The following NTN1 variants were observed in gnomAD, a reference collection of about 807,000 sequenced individuals.
NTN1 encodes the protein netrin 1.
Under a neutral mutation model 54.2 loss-of-function variants are expected in NTN1, and 11 were observed. The observed-to-expected ratio is 0.20, with a 90% CI of 0.13 to 0.34. NTN1 has a LOEUF of 0.34. NTN1 is among the 10% of genes least tolerant of loss of function. NTN1 has a pLI of 1.00. For missense variants in NTN1, 740 were observed against 893.1 expected (o/e 0.83, Z 2.18); for synonymous variants, 371 against 382.0 (o/e 0.97, Z 0.33).
At position 9,221,147 on chromosome 17, in the gene NTN1, T is replaced by TCGGC; in HGVS notation, c.1412-20_1412-19insGGCC. 1 of 1,303,812 alleles carries TCGGC rather than the reference T, an allele frequency of 7.7e-7. No individual in the cohort carries two copies. Among genetic ancestry groups the TCGGC allele is most frequent in the Non-Finnish European group, 1.0e-6 (1 of 952,882 alleles). 80.8% of individuals were successfully genotyped at this position (1,303,812 alleles called of 1,614,324 possible). ...CAGCCTAATTAGTTTTTGTCTGTGC[T>TCGGC]CCCCCCCCACCCCCCTGCAGACTGC... On this transcript the variant is annotated intron_variant, in intron 5 of 6. Coordinates refer to ENST00000173229, the MANE Select transcript of NTN1 (RefSeq NM_004822.3). The surrounding 1 kb of genome is among the most constrained non-coding windows in gnomAD (Gnocchi z 4.5).
Position 9,023,307 on chromosome 17 carries a change from G to C in NTN1, c.934G>C (p.Gly312Arg). The change falls in exon 2 of 7, where the codon GGC (glycine) becomes CGC (arginine). Residue 312 changes from glycine to arginine, a missense_variant. Physicochemically the swap from Gly to Arg is moderately radical, Grantham distance 125. Transcript: ENST00000173229. ...LVCDCRHNTA[G>R]PECDRCKPFH... is the part of the protein sequence containing the mutation. ...GTGCGACTGCAGGCACAACACGGCC[G>C]GCCCGGAGTGCGACCGCTGCAAGCC... 6.5e-7 allele frequency: 1 copy of C among 1,542,886 alleles called. No homozygotes were observed. The highest frequency in any genetic ancestry group is 8.7e-7 in the Non-Finnish European group (1 of 1,146,690).
At position 9,135,339 on chromosome 17, in the gene NTN1, C is replaced by T. The variant is rs1484860678; in HGVS notation, c.1019-27474C>T. Among the ~76,000 whole-genome samples, 1 of 152,226 alleles carries T rather than the reference C, an allele frequency of 6.6e-6. No individual in the cohort carries two copies. On this transcript the variant is annotated intron_variant, in intron 2 of 6. Transcript: ENST00000173229. This position sits in a 1 kb window ranked among gnomAD's most constrained non-coding sequence, Gnocchi z 4.4. ...TGCACAGTCCTGAACCTGTGTCTGG[C>T]TCTTGCTTCCCCTGCAGCCATCCTG...
intron 5 of NTN1, among the ~76,000 whole-genome samples, chr17:9,214,561 G>A (rs1905176179): frequency 6.6e-6 from 1 of 152,198 alleles, no homozygotes; most frequent in Non-Finnish European, 1.5e-5. Flanking sequence ...AGTGGCTCAC[G>A]CCTGTAATCC....
chr17:9,095,413 A>G (rs1485975966), intron 2 of NTN1, among the ~76,000 whole-genome samples: 2 of 152,214 alleles, frequency 1.3e-5, no homozygotes, highest in African/African-American at 2.4e-5. Context: ...TTTATACTTA[A>G]ATCTTGAATC....
intron 5 of NTN1, among the ~76,000 whole-genome samples, chr17:9,205,716 A>G (rs1290989089): frequency 6.6e-6 from 1 of 152,200 alleles, no homozygotes; most frequent in Non-Finnish European, 1.5e-5. Flanking sequence ...GGCTCTGTGT[A>G]TGGAAAGAGA....
chr17:9,022,946 G>A lies in NTN1; in HGVS notation c.573G>A (p.Ala191=). 1 of 1,611,592 alleles carries A rather than the reference G, an allele frequency of 6.2e-7. No homozygotes were observed. The highest frequency in any genetic ancestry group is 2.2e-5 in the East Asian group (1 of 44,724). The change falls in exon 2 of 7, where the codon GCG becomes GCA. Residue 191 remains alanine, a synonymous_variant. Transcript: ENST00000173229. ...CRKMYNRPHR[A]PITKQNEQEA... ...AGATGTACAACCGGCCGCACCGCGC[G>A]CCCATCACCAAGCAGAACGAGCAGG...
At chr17:9,028,498 C>T (rs981354566) in intron 2 of NTN1, among the ~76,000 whole-genome samples, 1 of 152,132 alleles carries the variant, frequency 6.6e-6, no homozygotes, top group African/African-American at 2.4e-5. Flanking sequence ...CAGGCTCTGC[C>T]GTGCTCTCTA....
intron 2 of NTN1, among the ~76,000 whole-genome samples, chr17:9,124,111 C>T (rs578224227): frequency 6.6e-6 from 1 of 152,336 alleles, no homozygotes; most frequent in East Asian, 1.9e-4. Context: ...GGGTCTGCGT[C>T]ACCAGGTCCC....
chr17:9,093,494 T>C (rs12943775), intron 2 of NTN1, among the ~76,000 whole-genome samples: 13,583 of 152,248 alleles, frequency 0.089, 710 homozygotes, highest in Non-Finnish European at 0.11. Context: ...TCCTGAGTAG[T>C]TGAGACCACA....
intron 2 of NTN1, among the ~76,000 whole-genome samples, chr17:9,105,765 T>C (rs2092164163): frequency 6.6e-6 from 1 of 151,988 alleles, no homozygotes. Context: ...TCACTGGTTC[T>C]TTAGAACTGT....
At chr17:9,138,605 A>C (rs530778397) in intron 2 of NTN1, among the ~76,000 whole-genome samples, 2 of 152,298 alleles carry the variant, frequency 1.3e-5, no homozygotes, top group African/African-American at 4.8e-5. Flanking sequence ...TTGTCCATCA[A>C]TCCGTCTGCA....
chr17:9,136,403 G>A (rs572456889), intron 2 of NTN1, among the ~76,000 whole-genome samples: 3 of 152,226 alleles, frequency 2.0e-5, no homozygotes, highest in East Asian at 3.9e-4. Flanking sequence ...GTGAAACCCC[G>A]TCTCTACTAA....
At chr17:9,012,662 A>G in the NTN1 span, among the ~76,000 whole-genome samples, 3 of 151,940 alleles carry the variant, frequency 2.0e-5, no homozygotes, top group East Asian at 1.9e-4. Flanking sequence ...ATTCTGCTCT[A>G]CTGGATCCTT....
intron 5 of NTN1, among the ~76,000 whole-genome samples, chr17:9,189,391 G>A (rs1321483844): frequency 6.6e-6 from 1 of 152,152 alleles, no homozygotes; most frequent in African/African-American, 2.4e-5. Context: ...TTGCTCTTTC[G>A]CCCAGGCTGT....
At chr17:9,104,785 GC>G (rs1025262518) in intron 2 of NTN1, among the ~76,000 whole-genome samples, 61 of 152,314 alleles carry the variant, frequency 4.0e-4, no homozygotes, top group African/African-American at 1.4e-3. Flanking sequence ...TTTAGGCGGG[GC>G]GATTTGGCCC....
chr17:9,227,739 A>G (rs1905643247), intron 6 of NTN1, among the ~76,000 whole-genome samples: 1 of 150,940 alleles, frequency 6.6e-6, no homozygotes, highest in African/African-American at 2.4e-5. Flanking sequence ...CAGATACACT[A>G]TCACACACAG....
rs555654272 is a variant in NTN1 at position 9,171,107 on chromosome 17, G to A, written c.1207+8106G>A. The A allele has an allele frequency of 1.3e-4, 20 of 152,348 alleles. No individual in the cohort carries two copies. In the East Asian group the frequency reaches 3.3e-3, roughly 25 times the overall value. 9.4% of individuals were successfully genotyped at this position (152,348 alleles called of 1,614,324 possible). ...TGAAACATTTATTCTTTTGTGCCTC[G>A]TTAGCAACTGCTGGGGCAAAGGAAA... On this transcript the variant is annotated intron_variant, in intron 3 of 6. Coordinates refer to ENST00000173229, the MANE Select transcript of NTN1 (RefSeq NM_004822.3).
intron 5 of NTN1, among the ~76,000 whole-genome samples, chr17:9,194,304 C>T (rs577335095): frequency 6.6e-6 from 1 of 152,218 alleles, no homozygotes; most frequent in African/African-American, 2.4e-5. Context: ...GGGTGCCATT[C>T]CTGGGCTGCT....
At chr17:9,101,978 G>A (rs368363141) in intron 2 of NTN1, among the ~76,000 whole-genome samples, 3 of 152,170 alleles carry the variant, frequency 2.0e-5, no homozygotes, top group East Asian at 3.8e-4. Flanking sequence ...CCTGGGCAAC[G>A]AGAGAGACTG....
Sources: gnomAD v4.1 joint callset for allele counts (sites outside exome capture counted in the v4.1 genomes callset) on GRCh38, gnomAD v4.1.1 for gene constraint, Gnocchi (gnomAD v3.1) non-coding constraint, MANE v1.5 for transcripts, NCBI Gene and HGNC (gene_info 2026-07-23, HGNC 2026-07-21) for gene names.